The following ZNF787 variants were observed in gnomAD, a reference collection of about 807,000 sequenced individuals.
ZNF787 encodes the protein zinc finger protein 787.
In ZNF787, 7 loss-of-function variants were observed where a neutral mutation model predicts 16.9. That is an observed-to-expected ratio of 0.42 (90% confidence interval 0.24 to 0.78). The LOEUF (loss-of-function observed/expected upper bound fraction) is 0.78. ZNF787 is among the 30% of genes least tolerant of loss of function. The pLI, the probability that ZNF787 is intolerant of heterozygous loss-of-function variation, is 0.30. For missense variants in ZNF787, 551 were observed against 589.3 expected (o/e 0.94, Z 0.67); for synonymous variants, 345 against 270.9 (o/e 1.27, Z -2.69).
At chr19:56,090,287 C>T (rs1282219532) in intron 2 of ZNF787, among the ~76,000 whole-genome samples, 1 of 152,162 alleles carries the variant, frequency 6.6e-6, no homozygotes, top group Non-Finnish European at 1.5e-5. Context: ...TGAGCCTTTA[C>T]AAGGGAGAAA....
chr19:56,111,051 AGCCATATAC>A (rs899046540), intron 1 of ZNF787, among the ~76,000 whole-genome samples: 5 of 152,244 alleles, frequency 3.3e-5, no homozygotes, highest in African/African-American at 1.2e-4. Context: ...TTCAATAGAC[AGCCATATAC>A]CTACATGAAA....
chr19:56,087,803 A>T lies in ZNF787; in HGVS notation c.*220T>A. The T allele has an allele frequency of 1.4e-6, 1 of 693,324 alleles. No individual in the cohort carries two copies. The highest frequency in any genetic ancestry group is 2.0e-6 in the Non-Finnish European group (1 of 506,182). The allele number at this position is 693,324 out of a possible 1,614,324, so 42.9% of individuals were successfully genotyped here. On this transcript the variant is annotated 3_prime_UTR_variant, in exon 3 of 3. Transcript: ENST00000610935. The stretch of plus-strand genomic sequence containing the variant: ...GCCGATAACTTAGGAAGGGCGGGCC[A>T]GGCTGAGGGGGCAGAGTCTCGAGGC...
chr19:56,120,404 G>A (rs1285741434), intron 1 of ZNF787, among the ~76,000 whole-genome samples: 2 of 152,176 alleles, frequency 1.3e-5, no homozygotes, highest in African/African-American at 4.8e-5. Flanking sequence ...CTCAGGAGTC[G>A]CCACCCGATC....
intron 2 of ZNF787, among the ~76,000 whole-genome samples, chr19:56,097,832 CA>C (rs1985928346): frequency 6.6e-6 from 1 of 152,154 alleles, no homozygotes; most frequent in Non-Finnish European, 1.5e-5. Flanking sequence ...CCACGTCTCT[CA>C]GGGGCCTTCT....
intron 1 of ZNF787, among the ~76,000 whole-genome samples, chr19:56,119,035 A>T (rs2123435659): frequency 6.6e-6 from 1 of 152,258 alleles, no homozygotes; most frequent in South Asian, 2.1e-4. Context: ...GCACTCTGGC[A>T]AATCTCCCCA....
intron 1 of ZNF787, among the ~76,000 whole-genome samples, chr19:56,106,273 C>T (rs1351812998): frequency 2.6e-5 from 4 of 152,234 alleles, no homozygotes; most frequent in Non-Finnish European, 5.9e-5. Context: ...CGTGTCGCTC[C>T]TCTCTCGGGC....
rs777906043 is a variant in ZNF787 at position 56,088,986 on chromosome 19, C to T, written c.186G>A (p.Pro62=). The change falls in exon 3 of 3, where the codon CCG becomes CCA. Residue 62 remains proline, a synonymous_variant. Transcript: ENST00000610935. This position sits in a 1 kb window ranked among gnomAD's most constrained non-coding sequence, Gnocchi z 8.6. ...PPAGPPPRPR[P]PAPYICNECG... is the part of the protein sequence containing the mutation. ...ACTCGTTGCAGATGTAGGGGGCGGG[C>T]GGCCGCGGCCGGGGAGGCGGGCCGG... is the stretch of plus-strand genomic sequence containing the variant. The T allele has an allele frequency of 8.8e-6, 13 of 1,481,016 alleles. No individual in the cohort carries two copies. The highest frequency in any genetic ancestry group is 7.6e-5 in the East Asian group (3 of 39,522). The allele number at this position is 1,481,016 out of a possible 1,614,324, so 91.7% of individuals were successfully genotyped here. A position where few individuals can be genotyped will look rare whatever the true frequency, so the allele number is the denominator to read the frequency against.
intron 2 of ZNF787, among the ~76,000 whole-genome samples, chr19:56,099,984 G>C (rs1303601447): frequency 6.6e-6 from 1 of 152,184 alleles, no homozygotes; most frequent in African/African-American, 2.4e-5. Context: ...CAAGGATAGG[G>C]ACAGAGGTCG....
Position 56,088,212 on chromosome 19 carries a change from C to T in ZNF787, c.960G>A (p.Val320=). ...AGGEEPAHIC[V]ECGEGFVQGA... ...CCTGCACGAAGCCCTCCCCGCACTC[C>T]ACGCAGATGTGGGCCGGCTCCTCGC... The change falls in exon 3 of 3, where the codon GTG becomes GTA. Residue 320 remains valine (V), a synonymous_variant. Coordinates refer to ENST00000610935, the MANE Select transcript of ZNF787 (RefSeq NM_001002836.4). The surrounding 1 kb of genome is among the most constrained non-coding windows in gnomAD (Gnocchi z 8.6). The T allele has an allele frequency of 6.6e-7, 1 of 1,525,608 alleles. No homozygotes were observed. Among genetic ancestry groups the T allele is most frequent in the Non-Finnish European group, 8.8e-7 (1 of 1,142,442 alleles). 94.5% of individuals were successfully genotyped at this position (1,525,608 alleles called of 1,614,324 possible). A position where few individuals can be genotyped will look rare whatever the true frequency, so the allele number is the denominator to read the frequency against.
chr19:56,105,542 G>C (rs532194092), intron 1 of ZNF787: 2 of 152,198 alleles, frequency 1.3e-5, no homozygotes, highest in East Asian at 3.9e-4. Context: ...CCACGGTAGA[G>C]ATTTGGGGCT....
At chr19:56,095,306 G>T (rs965856332) in intron 2 of ZNF787, among the ~76,000 whole-genome samples, 1 of 152,196 alleles carries the variant, frequency 6.6e-6, no homozygotes, top group African/African-American at 2.4e-5. Flanking sequence ...CCAGTACCAA[G>T]GACTGGGGAC....
At chr19:56,114,734 C>T (rs1278291217) in intron 1 of ZNF787, among the ~76,000 whole-genome samples, 1 of 152,168 alleles carries the variant, frequency 6.6e-6, no homozygotes, top group East Asian at 1.9e-4. Flanking sequence ...TCCTGGGACT[C>T]TGCATCTGCT....
intron 1 of ZNF787, among the ~76,000 whole-genome samples, chr19:56,116,720 A>G (rs1396649780): frequency 6.6e-6 from 1 of 151,642 alleles, no homozygotes; most frequent in Non-Finnish European, 1.5e-5. Flanking sequence ...GATGGTGTGG[A>G]TTCTCCCCCG....
chr19:56,113,002 C>T (rs571870826), intron 1 of ZNF787, among the ~76,000 whole-genome samples: 22 of 152,126 alleles, frequency 1.4e-4, no homozygotes, highest in African/African-American at 5.3e-4. Context: ...TCCTGGCTCC[C>T]ACCCTGCCTC....
At position 56,115,617 on chromosome 19, in the gene ZNF787, G is replaced by A. The variant is rs118007456; in HGVS notation, c.-11+5555C>T. Among the ~76,000 whole-genome samples the A allele has an allele frequency of 4.3e-3, 656 of 152,150 alleles. 3 individuals are homozygous for A. Among genetic ancestry groups the A allele is most frequent in the Admixed American group, 0.012 (185 of 15,268 alleles). On this transcript the variant is annotated intron_variant, in intron 1 of 2. Coordinates refer to ENST00000610935, the MANE Select transcript of ZNF787 (RefSeq NM_001002836.4). ...TTCCAGCCACTTCACACCTGGACTC[G>A]CGCAGCAGCCTCCCAAAGGTTTCCC...
Position 56,087,729 on chromosome 19 carries a change from G to T in ZNF787, c.*294C>A. ...AAAATGGCCTTCCGCTTGGGGCCTG[G>T]TCGCCACTCGGCCTCTGCAGTTCTC... On this transcript the variant is annotated 3_prime_UTR_variant, in exon 3 of 3. Coordinates refer to ENST00000610935, the MANE Select transcript of ZNF787 (RefSeq NM_001002836.4). The T allele has an allele frequency of 3.5e-6, 1 of 285,152 alleles. No individual in the cohort carries two copies. Among genetic ancestry groups the T allele is most frequent in the East Asian group, 7.3e-5 (1 of 13,642 alleles). 17.7% of individuals were successfully genotyped at this position (285,152 alleles called of 1,614,324 possible).
At chr19:56,111,648 C>T (rs1353963318) in intron 1 of ZNF787, among the ~76,000 whole-genome samples, 1 of 151,982 alleles carries the variant, frequency 6.6e-6, no homozygotes, top group South Asian at 2.1e-4. Context: ...AAGAGGGAGG[C>T]GGGAAGGAAC....
intron 2 of ZNF787, chr19:56,101,602 C>T (rs1461523603): frequency 1.3e-5 from 2 of 152,100 alleles, no homozygotes; most frequent in Non-Finnish European, 2.9e-5. Flanking sequence ...TGAAAAATGA[C>T]ATTTTGTTAG....
At chr19:56,119,361 G>C (rs1362926833) in intron 1 of ZNF787, among the ~76,000 whole-genome samples, 1 of 152,226 alleles carries the variant, frequency 6.6e-6, no homozygotes, top group Non-Finnish European at 1.5e-5. Flanking sequence ...CCTGGGAAAA[G>C]GGAAGTGACA....
Sources: allele counts gnomAD v4.1 joint callset (sites outside exome capture counted in the v4.1 genomes callset), GRCh38; gene constraint gnomAD v4.1.1; non-coding constraint Gnocchi (gnomAD v3.1); transcripts MANE v1.5; gene names NCBI Gene and HGNC (gene_info 2026-07-23, HGNC 2026-07-21).